HIKESHI: variants seen among roughly 807,000 people sequenced by gnomAD.
HIKESHI encodes protein Hikeshi.
A neutral mutation model predicts 25.7 loss-of-function variants in HIKESHI; 13 were observed. The ratio of observed to expected loss-of-function variants is 0.51; its 90% CI spans 0.33 to 0.80. The LOEUF is 0.80. Among genes scored for constraint, HIKESHI ranks in the 30% least tolerant of loss-of-function variants. HIKESHI has a pLI of 0.02. For synonymous variants in HIKESHI, 76 were observed against 78.7 expected, an observed-to-expected ratio of 0.97 and a Z score of 0.18; for missense variants, 174 against 229.5, an observed-to-expected ratio of 0.76 and a Z score of 1.56.
Position 86,314,890 on chromosome 11 carries a change from G to T in HIKESHI, c.268+8408G>T, listed in dbSNP as rs547297699. Among the ~76,000 whole-genome samples, 16 of 152,290 alleles carry T rather than the reference G, an allele frequency of 1.1e-4. No homozygotes were observed. The Middle Eastern group carries it at 0.01, about 97-fold the overall frequency. On this transcript the variant is annotated intron_variant, in intron 2 of 4. Coordinates refer to ENST00000278483, the MANE Select transcript of HIKESHI (RefSeq NM_016401.4). ...TTCCTGGCAAGACAGCAGACCTGGT[G>T]ACTGAGAAATTGGGTGTGGAATCTA...
rs142944231 is a variant in HIKESHI at position 86,316,509 on chromosome 11, C to G, written c.268+10027C>G. Among the ~76,000 whole-genome samples the G allele has an allele frequency of 5.9e-5, 9 of 151,696 alleles. No individual in the cohort carries two copies. In the East Asian group the frequency reaches 1.7e-3, roughly 29 times the overall value. On this transcript the variant is annotated intron_variant, in intron 2 of 4. Coordinates refer to ENST00000278483, the MANE Select transcript of HIKESHI (RefSeq NM_016401.4). ...CCTGGGCGACAGAGTGAGACTCCAT[C>G]TTCAAAAAATAAAATGAAATAAAAT...
Position 86,302,407 on chromosome 11 carries a change from C to A in HIKESHI, c.-42C>A, listed in dbSNP as rs1045695118. ...GCAGTAGCCCCAGGACTCCTAGTCG[C>A]CGGCTTCAGGTCACTGCCGGCTGAA... is the stretch of plus-strand genomic sequence containing the variant. On this transcript the variant is annotated 5_prime_UTR_variant, in exon 1 of 5. Coordinates refer to ENST00000278483, the MANE Select transcript of HIKESHI (RefSeq NM_016401.4). The A allele has an allele frequency of 2.6e-6, 4 of 1,551,054 alleles. No individual in the cohort carries two copies. In the African/African-American group the frequency reaches 4.1e-5, roughly 16 times the overall value.
chr11:86,316,459 C>G (rs1312739609), intron 2 of HIKESHI, among the ~76,000 whole-genome samples: 1 of 152,040 alleles, frequency 6.6e-6, no homozygotes, highest in Non-Finnish European at 1.5e-5. Context: ...TTGCAGTGAG[C>G]CGAGACCCCA....
chr11:86,314,212 A>T (rs1054816220), intron 2 of HIKESHI, among the ~76,000 whole-genome samples: 3 of 152,148 alleles, frequency 2.0e-5, no homozygotes, highest in Non-Finnish European at 4.4e-5. Flanking sequence ...TAAAGGAATG[A>T]TATCTGATTT....
chr11:86,344,202 G>A (rs1196500480), intron 3 of HIKESHI: 1 of 154,204 alleles, frequency 6.5e-6, no homozygotes, highest in Non-Finnish European at 1.4e-5. Context: ...GGGACATAGT[G>A]GATGCAGACA....
chr11:86,314,255 C>G (rs964042421), intron 2 of HIKESHI, among the ~76,000 whole-genome samples: 3 of 152,096 alleles, frequency 2.0e-5, no homozygotes, highest in African/African-American at 7.2e-5. Context: ...GAAGAATGAA[C>G]TGGGACAGTT....
In HIKESHI at chr11:86,325,916, T is replaced by C. The variant is rs187331288; in HGVS notation, c.269-11463T>C. ...ATGCTTAGTAGATAAGGTTTGGTAGTTGGAAAATTTGGGAAGGTTTAAAGA... is the reference window on the plus strand; with the variant it reads ...ATGCTTAGTAGATAAGGTTTGGTAGCTGGAAAATTTGGGAAGGTTTAAAGA... On this transcript the variant is annotated intron_variant, in intron 2 of 4. Coordinates refer to ENST00000278483, the MANE Select transcript of HIKESHI (RefSeq NM_016401.4). Among the ~76,000 whole-genome samples, 214 of 150,966 alleles carry C rather than the reference T, an allele frequency of 1.4e-3. 1 individual carries two copies. The highest frequency in any genetic ancestry group is 4.9e-3 in the African/African-American group (203 of 41,116).
chr11:86,308,297 T>TAA (rs373303622), intron 2 of HIKESHI, among the ~76,000 whole-genome samples: 2,401 of 50,720 alleles, frequency 0.047, 295 homozygotes, highest in African/African-American at 0.13. Context: ...ATATTACATA[T>TAA]AATATATATT....
chr11:86,307,927 T>TATATAAAATATATATTATGTGTAATATA lies in HIKESHI; in HGVS notation c.268+1446_268+1473dup, dbSNP rs1946699409. On this transcript the variant is annotated intron_variant, in intron 2 of 4. Transcript: ENST00000278483. The stretch of plus-strand genomic sequence containing the variant: ...AATATATATTATGTGTAATATATAA[T>TATATAAAATATATATTATGTGTAATATA]ATATAAAATATATATTATGTGTAAT... Among the ~76,000 whole-genome samples the TATATAAAATATATATTATGTGTAATATA allele has an allele frequency of 2.5e-5, 3 of 120,608 alleles. 1 individual carries two copies. The South Asian group carries it at 7.2e-4, about 29-fold the overall frequency. 79.1% of individuals were successfully genotyped at this position (120,608 alleles called of 152,430 possible).
At chr11:86,326,236 T>C (rs771300840) in intron 2 of HIKESHI, among the ~76,000 whole-genome samples, 3 of 152,102 alleles carry the variant, frequency 2.0e-5, no homozygotes, top group Non-Finnish European at 2.9e-5. Context: ...TGGTGGAGGT[T>C]GCAGTGAGCC....
At chr11:86,311,706 A>C (rs1946840076) in intron 2 of HIKESHI, among the ~76,000 whole-genome samples, 1 of 152,198 alleles carries the variant, frequency 6.6e-6, no homozygotes, top group East Asian at 1.9e-4. Flanking sequence ...TAGTGCTATA[A>C]ATTTCCCTCT....
intron 2 of HIKESHI, among the ~76,000 whole-genome samples, chr11:86,311,708 T>G (rs1946840153): frequency 1.3e-5 from 2 of 152,222 alleles, no homozygotes; most frequent in African/African-American, 4.8e-5. Context: ...GTGCTATAAA[T>G]TTCCCTCTAC....
At chr11:86,302,527 C>T (rs774539185) in intron 1 of HIKESHI, 49 bp downstream of exon 1, 3 of 1,539,882 alleles carry the variant, frequency 1.9e-6, no homozygotes, top group Non-Finnish European at 2.6e-6. Flanking sequence ...ATACCGAGGG[C>T]GAAGCCCTAC....
intron 2 of HIKESHI, among the ~76,000 whole-genome samples, chr11:86,328,236 A>G (rs1485891891): frequency 1.3e-5 from 2 of 152,232 alleles, no homozygotes; most frequent in African/African-American, 4.8e-5. Flanking sequence ...AAGTAAATTT[A>G]AGGAGAAAAC....
At chr11:86,314,312 T>C in intron 2 of HIKESHI, among the ~76,000 whole-genome samples, 1 of 152,100 alleles carries the variant, frequency 6.6e-6, no homozygotes, top group East Asian at 1.9e-4. Flanking sequence ...ATATAGTTGG[T>C]ATTCTACAAG....
intron 2 of HIKESHI, among the ~76,000 whole-genome samples, chr11:86,329,198 A>C (rs1207812837): frequency 1.3e-5 from 2 of 151,940 alleles, no homozygotes; most frequent in East Asian, 3.8e-4. Flanking sequence ...TTAAAAAAAA[A>C]AAAGCTTTCA....
At chr11:86,329,663 A>G (rs1046791039) in intron 2 of HIKESHI, among the ~76,000 whole-genome samples, 1 of 151,942 alleles carries the variant, frequency 6.6e-6, no homozygotes, top group African/African-American at 2.4e-5. Flanking sequence ...CAATGAGATA[A>G]ACATAAATGC....
chr11:86,313,222 A>C (rs893946293), intron 2 of HIKESHI, among the ~76,000 whole-genome samples: 20 of 152,072 alleles, frequency 1.3e-4, no homozygotes, highest in African/African-American at 4.8e-4. Flanking sequence ...TCCTTTTTAA[A>C]AATTTTTAAT....
intron 3 of HIKESHI, 21 bp from the exon 4 acceptor site, chr11:86,344,582 A>T: frequency 7.5e-7 from 1 of 1,333,754 alleles, no homozygotes; most frequent in Non-Finnish European, 1.1e-6. Context: ...ATAATCCATT[A>T]ATCTATTATT....
Sources: allele counts gnomAD v4.1 joint callset (sites outside exome capture counted in the v4.1 genomes callset), GRCh38; gene constraint gnomAD v4.1.1; transcripts MANE v1.5; gene names NCBI Gene and HGNC (gene_info 2026-07-23, HGNC 2026-07-21).